Variants in WWP1 observed in about 807,000 individuals in gnomAD.
WWP1 encodes WW domain containing E3 ubiquitin protein ligase 1.
In WWP1, 49 loss-of-function variants were observed where a neutral mutation model predicts 130.6. That is an observed-to-expected ratio of 0.38 (90% CI 0.30 to 0.48). The LOEUF (loss-of-function observed/expected upper bound fraction) is 0.48, where lower values mean the gene tolerates loss of function less well. WWP1 is among the 20% of genes least tolerant of loss of function. WWP1 has a pLI of 0.99. For synonymous variants in WWP1, 332 were observed against 367.8 expected, an observed-to-expected ratio of 0.90 and a Z score of 1.11; for missense variants, 809 against 1,100.6, an observed-to-expected ratio of 0.74 and a Z score of 3.75.
intron 20 of WWP1, among the ~76,000 whole-genome samples, chr8:86,449,116 C>T (rs1043460521): frequency 2.0e-5 from 3 of 151,912 alleles, no homozygotes; most frequent in African/African-American, 7.3e-5. Context: ...GCTGGGATAA[C>T]AGGGTGTCAC....
rs1230940478 is a variant in WWP1 at position 86,427,726 on chromosome 8, T to G, written c.1241T>G (p.Met414Arg). 6.2e-7 allele frequency: 1 copy of G among 1,614,098 alleles called. No homozygotes were observed. ...ACAACAACGTGGCAGCGGCCTACCA[T>G]GGAATCTGTCCGAAATTTTGAACAG... ...TRTTTWQRPT[M>R]ESVRNFEQWQ... Residue 414 changes from methionine to arginine, a missense_variant, in exon 11 of 25, where the codon ATG (methionine) becomes AGG (arginine). Around this residue, in one of 3 missense-constraint regions of WWP1, gnomAD observed 450 missense variants for 674.2 expected, o/e 0.67. Coordinates refer to ENST00000517970, the MANE Select transcript of WWP1 (RefSeq NM_007013.4).
chr8:86,378,828 A>G (rs1456129707), intron 3 of WWP1, among the ~76,000 whole-genome samples: 1 of 152,200 alleles, frequency 6.6e-6, no homozygotes, highest in East Asian at 1.9e-4. Flanking sequence ...AGTTAATACT[A>G]TATAGTCAGT....
chr8:86,443,479 G>A (rs566403622), intron 18 of WWP1, among the ~76,000 whole-genome samples: 1 of 152,148 alleles, frequency 6.6e-6, no homozygotes, highest in East Asian at 1.9e-4. Context: ...TGTCTTTTGG[G>A]AAGTGTTTGT....
intron 3 of WWP1, among the ~76,000 whole-genome samples, chr8:86,377,462 G>C (rs542592021): frequency 1.7e-4 from 26 of 151,720 alleles, no homozygotes; most frequent in African/African-American, 6.3e-4. Context: ...CAGTCTGGCT[G>C]TTTATTGTCT....
intron 10 of WWP1, among the ~76,000 whole-genome samples, chr8:86,426,083 C>A (rs533258555): frequency 6.6e-6 from 1 of 152,292 alleles, no homozygotes; most frequent in African/African-American, 2.4e-5. Flanking sequence ...TGGGATATTT[C>A]TCTTTTATGG....
At chr8:86,400,412 A>G (rs574081560) in intron 7 of WWP1, among the ~76,000 whole-genome samples, 3 of 152,284 alleles carry the variant, frequency 2.0e-5, no homozygotes, top group South Asian at 2.1e-4. Flanking sequence ...GATAAGCACT[A>G]TGAAGTCATT....
At chr8:86,430,093 G>C (rs1193271769) in intron 11 of WWP1, among the ~76,000 whole-genome samples, 1 of 152,060 alleles carries the variant, frequency 6.6e-6, no homozygotes, top group Non-Finnish European at 1.5e-5. Flanking sequence ...TAGCTACTCG[G>C]TTGTTGCTGA....
chr8:86,462,047 C>G (rs10100182), intron 24 of WWP1, among the ~76,000 whole-genome samples: 52,543 of 151,950 alleles, frequency 0.35, 10,588 homozygotes, highest in African/African-American at 0.55. Flanking sequence ...AGAAATGCAT[C>G]CAGTGATTCA....
rs754555410 is a variant in WWP1, at chr8:86,405,121, G to T, written c.724+2918G>T. On this transcript the variant is annotated intron_variant, in intron 8 of 24. Coordinates refer to ENST00000517970, the MANE Select transcript of WWP1 (RefSeq NM_007013.4). ...ATCACTTAATAAAGGATGAATTCAG[G>T]TATCTTTTCAAGGAGTGGGTAATCC... 3 of 152,258 alleles carry T rather than the reference G, an allele frequency of 2.0e-5. No homozygotes were observed. In the Middle Eastern group the frequency reaches 0.01, roughly 518 times the overall value. The allele number at this position is 152,258 out of a possible 1,614,324, so 9.4% of individuals were successfully genotyped here.
At chr8:86,357,417 A>G (rs1372565919) in intron 1 of WWP1, among the ~76,000 whole-genome samples, 1 of 152,242 alleles carries the variant, frequency 6.6e-6, no homozygotes, top group Non-Finnish European at 1.5e-5. Flanking sequence ...AAAAATCAGT[A>G]TGAAAAGTAT....
chr8:86,396,306 G>A (rs975795233), intron 5 of WWP1, among the ~76,000 whole-genome samples: 1 of 152,118 alleles, frequency 6.6e-6, no homozygotes, highest in Non-Finnish European at 1.5e-5. Flanking sequence ...TCACCACGTT[G>A]GCCAGGATGG....
At chr8:86,354,039 G>A (rs1229488119) in intron 1 of WWP1, among the ~76,000 whole-genome samples, 2 of 152,120 alleles carry the variant, frequency 1.3e-5, no homozygotes, top group Non-Finnish European at 2.9e-5. Flanking sequence ...TTTAGAGCTC[G>A]GGCCTTAAAT....
At chr8:86,466,147 A>C (rs113682262) in intron 24 of WWP1, among the ~76,000 whole-genome samples, 23 of 152,344 alleles carry the variant, frequency 1.5e-4, no homozygotes, top group African/African-American at 5.5e-4. Context: ...ACGAAATGTT[A>C]TTCCACCTTT....
chr8:86,445,236 A>C (rs946005522), intron 18 of WWP1, among the ~76,000 whole-genome samples: 22 of 152,172 alleles, frequency 1.4e-4, no homozygotes, highest in African/African-American at 5.3e-4. Flanking sequence ...GGTTTGTTAA[A>C]AAAGTATATT....
In WWP1 at chr8:86,431,699, A is replaced by G. The variant is rs1224954729; in HGVS notation, c.1557A>G (p.Thr519=). Residue 519 remains threonine (T), a synonymous_variant, in exon 14 of 25, where the codon ACA becomes ACG. Transcript: ENST00000517970. ...TAAGGTACTTTGTTGATCATAACAC[A>G]AGAACAACAACATTCAAAGATCCTC... ...EGVRYFVDHN[T]RTTTFKDPRN... The G allele has an allele frequency of 6.2e-7, 1 of 1,613,886 alleles. No individual in the cohort carries two copies. Among genetic ancestry groups the G allele is most frequent in the Non-Finnish European group, 8.5e-7 (1 of 1,179,942 alleles).
chr8:86,443,034 A>T (rs1810674678), intron 18 of WWP1, among the ~76,000 whole-genome samples: 1 of 152,178 alleles, frequency 6.6e-6, no homozygotes, highest in African/African-American at 2.4e-5. Context: ...ACCCATTTAT[A>T]GTATGACTAC....
intron 24 of WWP1, among the ~76,000 whole-genome samples, chr8:86,464,920 CGTGTGT>C (rs59046717): frequency 6.6e-6 from 1 of 151,450 alleles, no homozygotes; most frequent in Non-Finnish European, 1.5e-5. Flanking sequence ...CATGCGCGCG[CGTGTGT>C]GTGTGTATTG....
intron 7 of WWP1, among the ~76,000 whole-genome samples, chr8:86,400,193 A>G (rs963042281): frequency 1.3e-5 from 2 of 152,048 alleles, no homozygotes; most frequent in African/African-American, 2.4e-5. Context: ...TGAGCCAGGC[A>G]TGGTGGTGCG....
At chr8:86,462,597 A>G (rs866462010) in intron 24 of WWP1, among the ~76,000 whole-genome samples, 2 of 152,238 alleles carry the variant, frequency 1.3e-5, no homozygotes, top group African/African-American at 2.4e-5. Flanking sequence ...GCCAGAAAAC[A>G]GTATAGGGAA....
Sources: gnomAD v4.1 joint callset for allele counts (sites outside exome capture counted in the v4.1 genomes callset) on GRCh38, gnomAD v4.1.1 for gene constraint, gnomAD v4.1.1 regional missense constraint, MANE v1.5 for transcripts, NCBI Gene and HGNC (gene_info 2026-07-23, HGNC 2026-07-21) for gene names.